WNT3: variants seen among roughly 807,000 people sequenced by gnomAD.
The protein encoded by WNT3 is Wnt family member 3.
Under a neutral mutation model 34.2 loss-of-function variants are expected in WNT3, and 7 were observed. The observed-to-expected ratio is 0.20, with a 90% CI of 0.12 to 0.38. The LOEUF (loss-of-function observed/expected upper bound fraction) is 0.38. Ranked by LOEUF, WNT3 falls within the 10% of genes least tolerant of loss-of-function variation. The pLI is 1.00. For synonymous variants in WNT3, 212 were observed against 211.5 expected (o/e 1.00, Z -0.02); for missense variants, 267 against 499.8 (o/e 0.53, Z 4.44).
At chr17:46,802,752 G>A (rs1339726212) in intron 1 of WNT3, among the ~76,000 whole-genome samples, 3 of 152,236 alleles carry the variant, frequency 2.0e-5, no homozygotes. Flanking sequence ...AACACGTGGA[G>A]GTTCCTGGAA....
At chr17:46,773,940 G>C in intron 1 of WNT3, 31 bp from the exon 2 acceptor site, 1 of 1,605,780 alleles carries the variant, frequency 6.2e-7, no homozygotes, top group Non-Finnish European at 8.5e-7. Flanking sequence ...GTAACACTGT[G>C]GGCACAAAGC....
intron 4 of WNT3, among the ~76,000 whole-genome samples, chr17:46,764,944 C>T (rs552475548): frequency 2.6e-5 from 4 of 152,338 alleles, no homozygotes; most frequent in East Asian, 3.9e-4. Context: ...GGTGCCTGGC[C>T]GAGGGCCCAG....
chr17:46,789,902 C>T (rs757004668), intron 1 of WNT3, among the ~76,000 whole-genome samples: 11 of 152,230 alleles, frequency 7.2e-5, no homozygotes, highest in Non-Finnish European at 1.3e-4. Context: ...CACTCTCTAC[C>T]TTTCAAGGTG....
At chr17:46,807,911 G>A (rs1387298889) in intron 1 of WNT3, among the ~76,000 whole-genome samples, 6 of 152,174 alleles carry the variant, frequency 3.9e-5, no homozygotes, top group East Asian at 1.9e-4. Flanking sequence ...CTGGCTCCTC[G>A]GGGAGAAATA....
chr17:46,773,651 C>T lies in WNT3; in HGVS notation c.322+17G>A. ...CCCCACCCAGCCCCTCCCCCCCCCT[C>T]AGCCCCAAGGCAGTACCTTTGTCGA... On this transcript the variant is annotated intron_variant, in intron 2 of 4. Coordinates refer to ENST00000225512, the MANE Select transcript of WNT3 (RefSeq NM_030753.5). 1 of 1,376,150 alleles carries T rather than the reference C, an allele frequency of 7.3e-7. No homozygotes were observed. The highest frequency in any genetic ancestry group is 9.7e-7 in the Non-Finnish European group (1 of 1,029,334). The allele number at this position is 1,376,150 out of a possible 1,614,324, so 85.2% of individuals were successfully genotyped here. A position where few individuals can be genotyped will look rare whatever the true frequency, so the allele number is the denominator to read the frequency against.
At chr17:46,814,561 C>G (rs994830278) in intron 1 of WNT3, among the ~76,000 whole-genome samples, 11 of 152,222 alleles carry the variant, frequency 7.2e-5, no homozygotes, top group African/African-American at 2.4e-4. Flanking sequence ...CCTGGCCATC[C>G]GATCTGGTAT....
chr17:46,784,443 C>G (rs2059485339), intron 1 of WNT3, among the ~76,000 whole-genome samples: 1 of 151,886 alleles, frequency 6.6e-6, no homozygotes, highest in African/African-American at 2.4e-5. Context: ...ACTTTAGGCC[C>G]CATCTTGGCT....
intron 1 of WNT3, among the ~76,000 whole-genome samples, chr17:46,802,823 G>A (rs568306974): frequency 3.3e-5 from 5 of 152,194 alleles, no homozygotes; most frequent in Non-Finnish European, 7.3e-5. Flanking sequence ...CTCGCCCTAT[G>A]CACCTCTTCA....
intron 1 of WNT3, among the ~76,000 whole-genome samples, chr17:46,774,971 G>T (rs535676852): frequency 2.0e-5 from 3 of 152,314 alleles, no homozygotes; most frequent in South Asian, 4.1e-4. Flanking sequence ...GTCCAGCACT[G>T]ACCAAGGCTT....
At chr17:46,783,485 C>G (rs1357850268) in intron 1 of WNT3, among the ~76,000 whole-genome samples, 4 of 152,210 alleles carry the variant, frequency 2.6e-5, no homozygotes, top group African/African-American at 9.7e-5. Flanking sequence ...CTGAGGAGCA[C>G]CCAGCCCAGG....
At chr17:46,766,127 G>A (rs2059310729) in intron 4 of WNT3, among the ~76,000 whole-genome samples, 1 of 152,190 alleles carries the variant, frequency 6.6e-6, no homozygotes, top group African/African-American at 2.4e-5. Flanking sequence ...TACTGATTCT[G>A]GCCGGGCGCG....
chr17:46,773,616 T>TGGGGGGGGGGGGGGGGGGGGG, intron 2 of WNT3, 52 bp downstream of exon 2: 1 of 997,790 alleles, frequency 1.0e-6, no homozygotes. Context: ...CATACAGTCC[T>TGGGGGGGGGGGGGGGGGGGGG]GATCCCTCCC....
intron 1 of WNT3, among the ~76,000 whole-genome samples, chr17:46,799,291 C>T (rs1418847182): frequency 2.0e-5 from 3 of 152,054 alleles, no homozygotes; most frequent in Non-Finnish European, 2.9e-5. Context: ...TGTGGGATTC[C>T]CTGAAGCCAG....
chr17:46,765,415 A>C (rs2059303658), intron 4 of WNT3, among the ~76,000 whole-genome samples: 1 of 152,246 alleles, frequency 6.6e-6, no homozygotes, highest in Admixed American at 6.5e-5. Context: ...GGTTAGCCAG[A>C]GACACTGGGT....
intron 1 of WNT3, among the ~76,000 whole-genome samples, chr17:46,794,752 C>CTTT (rs5820620): frequency 1.5e-5 from 2 of 129,282 alleles, no homozygotes; most frequent in African/African-American, 5.8e-5. Flanking sequence ...CTTTCTTTTT[C>CTTT]TTTTTTTTTT....
intron 1 of WNT3, among the ~76,000 whole-genome samples, chr17:46,802,980 A>C (rs1480909412): frequency 1.3e-5 from 2 of 152,230 alleles, no homozygotes; most frequent in African/African-American, 2.4e-5. Context: ...CATGTAAAGC[A>C]GCCTGGGGCT....
rs1203072545 is a variant in WNT3, at chr17:46,818,641, G to C, written c.-44C>G. On this transcript the variant is annotated 5_prime_UTR_variant, in exon 1 of 5. Transcript: ENST00000225512. Reference sequence around the variant, plus strand: ...GGAAGTTTGCCCGCGACCATGAAGAGGGGGAGCGACGCCCCCAATAGTTGG... The same window carrying C: ...GGAAGTTTGCCCGCGACCATGAAGACGGGGAGCGACGCCCCCAATAGTTGG... The C allele has an allele frequency of 3.3e-6, 5 of 1,535,614 alleles. No homozygotes were observed. Among genetic ancestry groups the C allele is most frequent in the Admixed American group, 3.8e-5 (2 of 52,398 alleles).
intron 1 of WNT3, among the ~76,000 whole-genome samples, chr17:46,782,092 T>A (rs927854882): frequency 6.6e-6 from 1 of 152,134 alleles, no homozygotes; most frequent in Admixed American, 6.5e-5. Flanking sequence ...AAGGCTCCCC[T>A]CCTCCCTTCG....
rs144096842 is a variant in WNT3 at position 46,802,558 on chromosome 17, G to A, written c.80+15960C>T. On this transcript the variant is annotated intron_variant, in intron 1 of 4. Coordinates refer to ENST00000225512, the MANE Select transcript of WNT3 (RefSeq NM_030753.5). Reference sequence around the variant, plus strand: ...GCTGGGATTACAGGTGTGAGCCACCGTGCCCGGCCAAGATTAGAGGGTTGG... The same window carrying A: ...GCTGGGATTACAGGTGTGAGCCACCATGCCCGGCCAAGATTAGAGGGTTGG... 3.6e-3 allele frequency among the ~76,000 whole-genome samples: 545 copies of A among 152,242 alleles called. 5 individuals are homozygous for A. Among genetic ancestry groups the A allele is most frequent in the African/African-American group, 0.013 (525 of 41,552 alleles).
Sources: allele counts gnomAD v4.1 joint callset (sites outside exome capture counted in the v4.1 genomes callset), GRCh38; gene constraint gnomAD v4.1.1; transcripts MANE v1.5; gene names NCBI Gene and HGNC (gene_info 2026-07-23, HGNC 2026-07-21).